The following KCNMA1 variants were observed in gnomAD, a reference collection of about 807,000 sequenced individuals.
The protein encoded by KCNMA1 is potassium calcium-activated channel subfamily M alpha 1, also known as Calcium-activated potassium channel subunit alpha-1.
A neutral mutation model predicts 140.0 loss-of-function variants in KCNMA1; 29 were observed. The ratio of observed to expected loss-of-function variants is 0.21; its 90% CI spans 0.15 to 0.28. The LOEUF (loss-of-function observed/expected upper bound fraction) is 0.28, where lower values mean the gene tolerates loss of function less well. KCNMA1 is among the 10% of genes least tolerant of loss of function. The probability of loss-of-function intolerance (pLI) is 1.00; values close to 1 mark genes in which losing one functional copy is unlikely to be tolerated. For missense variants in KCNMA1, 880 were observed against 1,602.2 expected, an observed-to-expected ratio of 0.55 and a Z score of 7.70; for synonymous variants, 612 against 611.9, an observed-to-expected ratio of 1.00 and a Z score of 0.00.
chr10:77,579,555 C>G (rs1039870648), intron 1 of KCNMA1, among the ~76,000 whole-genome samples: 6 of 151,962 alleles, frequency 3.9e-5, no homozygotes, highest in Admixed American at 1.3e-4. Flanking sequence ...TTTTTTCAAC[C>G]ATTTAAAGAG....
chr10:77,634,974 G>A (rs1177146260), intron 1 of KCNMA1: 3 of 152,000 alleles, frequency 2.0e-5, no homozygotes, highest in African/African-American at 4.8e-5. Flanking sequence ...ATGGACTTAC[G>A]GTATCAAAAG....
chr10:77,166,937 A>G (rs1429728573), intron 5 of KCNMA1, among the ~76,000 whole-genome samples: 2 of 152,204 alleles, frequency 1.3e-5, no homozygotes, highest in African/African-American at 4.8e-5. Flanking sequence ...TAAAATATTT[A>G]TCTTTTCTAC....
chr10:77,112,623 G>C (rs1307431009), intron 6 of KCNMA1, among the ~76,000 whole-genome samples, 181 bp from the exon 7 acceptor site: 1 of 152,240 alleles, frequency 6.6e-6, no homozygotes, highest in Admixed American at 6.5e-5. Flanking sequence ...GGTCAGGACA[G>C]AGCCTAGAGG....
chr10:77,432,024 G>A (rs1566813747), intron 1 of KCNMA1, among the ~76,000 whole-genome samples: 1 of 151,940 alleles, frequency 6.6e-6, no homozygotes, highest in East Asian at 1.9e-4. Flanking sequence ...CAAAGGGTGT[G>A]GAGGTTGGGA....
At position 77,310,313 on chromosome 10, in the gene KCNMA1, C is replaced by A. The variant is rs550578122; in HGVS notation, c.541-59057G>T. ...CTGCAGTGCCTATCCCCCATCCCAA[C>A]CCCATGATCCAACAACCAAAGGGTT... On this transcript the variant is annotated intron_variant, in intron 2 of 27. Transcript: ENST00000286628. Among the ~76,000 whole-genome samples the A allele has an allele frequency of 2.0e-5, 3 of 152,266 alleles. No individual in the cohort carries two copies. In the South Asian group the frequency reaches 6.2e-4, roughly 32 times the overall value.
At chr10:77,081,041 C>T (rs769254675) in intron 12 of KCNMA1, among the ~76,000 whole-genome samples, 4 of 152,112 alleles carry the variant, frequency 2.6e-5, no homozygotes, top group Non-Finnish European at 5.9e-5. Flanking sequence ...CTCCTACCTG[C>T]CCTCAGTCCA....
At chr10:76,931,145 T>C (rs928675383) in intron 23 of KCNMA1, among the ~76,000 whole-genome samples, 2 of 152,126 alleles carry the variant, frequency 1.3e-5, no homozygotes, top group East Asian at 3.8e-4. Context: ...TTAAGTGTCC[T>C]CATGACACAC....
At chr10:77,302,698 G>C (rs954882721) in intron 2 of KCNMA1, among the ~76,000 whole-genome samples, 13 of 152,206 alleles carry the variant, frequency 8.5e-5, no homozygotes, top group Admixed American at 2.0e-4. Flanking sequence ...CTGTGTCCCA[G>C]TGTGGCTGAG....
At chr10:77,076,565 T>C (rs1258847941) in intron 13 of KCNMA1, among the ~76,000 whole-genome samples, 1 of 152,142 alleles carries the variant, frequency 6.6e-6, no homozygotes, top group East Asian at 1.9e-4. Context: ...CTCTTCTGTC[T>C]CCCCGCTCGC....
downstream of KCNMA1, chr10:76,872,980 T>A (rs1394656995): frequency 6.6e-6 from 1 of 152,100 alleles, no homozygotes; most frequent in African/African-American, 2.4e-5. Flanking sequence ...ATTAAAAAAA[T>A]ATGCCAAAAG....
In KCNMA1 at chr10:76,931,189, G is replaced by A. The variant is rs556730552; in HGVS notation, c.2902+13584C>T. Among the ~76,000 whole-genome samples, 39 of 152,198 alleles carry A rather than the reference G, an allele frequency of 2.6e-4. No individual in the cohort carries two copies. The East Asian group carries it at 7.5e-3, about 29-fold the overall frequency. ...ACACACACACACAATAGTAACTATG[G>A]GAGATGATGGATGTGTTTATTAACT... is the stretch of plus-strand genomic sequence containing the variant. On this transcript the variant is annotated intron_variant, in intron 23 of 27. Transcript: ENST00000286628.
chr10:77,391,612 TTTTGTTTGTTTG>T (rs139101372), intron 2 of KCNMA1, among the ~76,000 whole-genome samples: 23 of 149,870 alleles, frequency 1.5e-4, no homozygotes, highest in East Asian at 2.0e-4. Flanking sequence ...GAAGTAGGTT[TTTTGTTTGTTTG>T]TTTGTTTGTT....
intron 1 of KCNMA1, among the ~76,000 whole-genome samples, chr10:77,591,023 T>C (rs2078973998): frequency 6.6e-6 from 1 of 151,996 alleles, no homozygotes; most frequent in Non-Finnish European, 1.5e-5. Context: ...CAGCAACACC[T>C]CATATGGTGC....
chr10:76,962,814 C>T (rs1369794280), intron 20 of KCNMA1, among the ~76,000 whole-genome samples: 1 of 152,152 alleles, frequency 6.6e-6, no homozygotes, highest in Non-Finnish European at 1.5e-5. Context: ...CATCTCTAGT[C>T]CCCAAACACT....
At chr10:77,407,963 A>C (rs1220173839) in intron 1 of KCNMA1, among the ~76,000 whole-genome samples, 1 of 152,192 alleles carries the variant, frequency 6.6e-6, no homozygotes, top group Admixed American at 6.5e-5. Flanking sequence ...GTTATCCTCC[A>C]ATGAGCAAGA....
downstream of KCNMA1, among the ~76,000 whole-genome samples, chr10:76,883,484 C>T (rs1450366373): frequency 1.3e-5 from 2 of 152,136 alleles, no homozygotes; most frequent in East Asian, 3.9e-4. Flanking sequence ...GGGTAGCAGA[C>T]TTTAGGGACA....
chr10:76,958,258 C>G (rs559244801), intron 20 of KCNMA1, among the ~76,000 whole-genome samples: 6 of 152,302 alleles, frequency 3.9e-5, no homozygotes, highest in African/African-American at 1.4e-4. Flanking sequence ...TCCTCAAAGA[C>G]CAGTTAGTTG....
exon 30 of KCNMA1, chr10:76,877,747 C>T (rs1321211178): frequency 6.4e-7 from 1 of 1,554,126 alleles, no homozygotes; most frequent in Admixed American, 2.0e-5. Flanking sequence ...AGTCAACATT[C>T]ATCTTCAACT....
intron 17 of KCNMA1, among the ~76,000 whole-genome samples, chr10:77,018,104 C>T (rs1407615603): frequency 6.6e-6 from 1 of 152,098 alleles, no homozygotes; most frequent in Non-Finnish European, 1.5e-5. Context: ...GAAACCAAAG[C>T]TCTGAGTGTT....
Sources: gnomAD v4.1 joint callset for allele counts (sites outside exome capture counted in the v4.1 genomes callset) on GRCh38, gnomAD v4.1.1 for gene constraint, MANE v1.5 for transcripts, NCBI Gene and HGNC (gene_info 2026-07-23, HGNC 2026-07-21) for gene names.